Variants in PRRT1B observed in about 807,000 individuals in gnomAD.
PRRT1B encodes proline rich transmembrane protein 1B, also known as dispanin subfamily D member 2.
intron 1 of PRRT1B, among the ~76,000 whole-genome samples, chr9:131,553,810 C>A (rs959722518): frequency 6.6e-6 from 1 of 152,232 alleles, no homozygotes; most frequent in Non-Finnish European, 1.5e-5. Context: ...CTTCCTTGTA[C>A]CCTTGCCTGA....
chr9:131,548,533 C>T lies in PRRT1B; in HGVS notation c.25+2893C>T, dbSNP rs563462090. The stretch of plus-strand genomic sequence containing the variant: ...ATAATTCTTGTCGTAAAATGGGCAA[C>T]CGGTCTGAGGTGCCTGACATCCAGG... On this transcript the variant is annotated intron_variant, in intron 1 of 3. Transcript: ENST00000636672. Among the ~76,000 whole-genome samples, 3 of 152,274 alleles carry T rather than the reference C, an allele frequency of 2.0e-5. No homozygotes were observed. In the South Asian group the frequency reaches 6.2e-4, roughly 32 times the overall value.
chr9:131,546,384 C>A (rs1277543570), intron 1 of PRRT1B, among the ~76,000 whole-genome samples: 2 of 152,166 alleles, frequency 1.3e-5, no homozygotes, highest in Non-Finnish European at 2.9e-5. Context: ...ACGTCGCCCA[C>A]CCCCAGGCGT....
chr9:131,551,372 C>G lies in PRRT1B; in HGVS notation c.26-3185C>G, dbSNP rs558229365. Among the ~76,000 whole-genome samples, 1 of 152,278 alleles carries G rather than the reference C, an allele frequency of 6.6e-6. No individual in the cohort carries two copies. Among genetic ancestry groups the G allele is most frequent in the East Asian group, 1.9e-4 (1 of 5,184 alleles). On this transcript the variant is annotated intron_variant, in intron 1 of 3. Coordinates refer to ENST00000636672, the Ensembl canonical transcript of PRRT1B. This position sits in a 1 kb window ranked among gnomAD's most constrained non-coding sequence, Gnocchi z 4.4. The stretch of plus-strand genomic sequence containing the variant: ...AAAATCTTCCTTCAGCTTAATCTCT[C>G]CCACTCTAGGTTCCCACGCCGCCCC...
intron 1 of PRRT1B, among the ~76,000 whole-genome samples, chr9:131,554,087 GCTCCTGGGCAC>G (rs1951029591): frequency 1.3e-5 from 2 of 152,156 alleles, no homozygotes; most frequent in Non-Finnish European, 2.9e-5. Context: ...CAGTTTGGCA[GCTCCTGGGCAC>G]CTCACCCCTC....
At chr9:131,549,436 G>C (rs1428129231) in intron 1 of PRRT1B, among the ~76,000 whole-genome samples, 1 of 152,230 alleles carries the variant, frequency 6.6e-6, no homozygotes, top group Non-Finnish European at 1.5e-5. Flanking sequence ...CCATCTGTGC[G>C]GGACCCCACT....
At chr9:131,558,822 C>T (rs533418931), downstream of PRRT1B, among the ~76,000 whole-genome samples, 51 of 152,176 alleles carry the variant, frequency 3.4e-4, no homozygotes, top group Non-Finnish European at 6.0e-4. Context: ...CACATCCGTG[C>T]GGAGCTTCAC....
chr9:131,554,909 C>A (rs1588551471), exon 2 of PRRT1B: 1 of 385,250 alleles, frequency 2.6e-6, no homozygotes, highest in East Asian at 3.7e-5. Flanking sequence ...CGCAGGTGCC[C>A]GTGGTCCTGC....
At chr9:131,557,224 A>C (rs1306507276) in intron 3 of PRRT1B, among the ~76,000 whole-genome samples, 1 of 152,108 alleles carries the variant, frequency 6.6e-6, no homozygotes, top group African/African-American at 2.4e-5. Context: ...CAAAGATGCC[A>C]ATGTGATGAC....
At chr9:131,559,696 C>T (rs1274340525), downstream of PRRT1B, among the ~76,000 whole-genome samples, 2 of 152,144 alleles carry the variant, frequency 1.3e-5, no homozygotes, top group Non-Finnish European at 2.9e-5. Context: ...TAAGCAGGGC[C>T]TGAGGTTCTG....
downstream of PRRT1B, among the ~76,000 whole-genome samples, chr9:131,559,170 G>A (rs954951060): frequency 4.6e-5 from 7 of 152,314 alleles, no homozygotes; most frequent in East Asian, 5.8e-4. Flanking sequence ...GAGGCCAGGC[G>A]AGGTGGCTCA....
chr9:131,551,258 A>G lies in PRRT1B; in HGVS notation c.26-3299A>G, dbSNP rs1346905956. ...CGCCCGACCTGCGTTTAGTTTTTCAATTCATACAAAACCGCATCCAGGCCA... is the reference window on the plus strand; with the variant it reads ...CGCCCGACCTGCGTTTAGTTTTTCAGTTCATACAAAACCGCATCCAGGCCA... On this transcript the variant is annotated intron_variant, in intron 1 of 3. Coordinates refer to ENST00000636672, the Ensembl canonical transcript of PRRT1B. The surrounding 1 kb of genome is among the most constrained non-coding windows in gnomAD (Gnocchi z 4.4). Among the ~76,000 whole-genome samples, 5 of 151,788 alleles carry G rather than the reference A, an allele frequency of 3.3e-5. No homozygotes were observed. Among genetic ancestry groups the G allele is most frequent in the African/African-American group, 1.2e-4 (5 of 41,302 alleles).
chr9:131,554,676 C>T lies in PRRT1B; in HGVS notation c.145C>T (p.Arg49Cys), dbSNP rs556834846. The stretch of plus-strand genomic sequence containing the variant: ...GCAGCCCGCGCTCCCGCAGCTCCCG[C>T]GCCGCCCGCGGACCCTGGACGAGGA... The change falls in exon 2 of 4, where the codon CGC (arginine) becomes TGC (cysteine). Residue 49 changes from arginine (R) to cysteine (C), a missense_variant. Arg to Cys is a radical substitution (Grantham distance 180). Coordinates refer to ENST00000636672, the Ensembl canonical transcript of PRRT1B. 3,136 of 380,920 alleles carry T rather than the reference C, an allele frequency of 8.2e-3. 26 individuals are homozygous for T. Among genetic ancestry groups the T allele is most frequent in the South Asian group, 0.02 (155 of 7,742 alleles). 23.6% of individuals were successfully genotyped at this position (380,920 alleles called of 1,614,324 possible).
rs536441419 is a variant in PRRT1B, at chr9:131,554,854, C to T, written c.323C>T (p.Ala108Val). 3.9e-3 allele frequency: 1,470 copies of T among 374,720 alleles called. 31 individuals are homozygous for T. The highest frequency in any genetic ancestry group is 4.2e-3 in the East Asian group (109 of 25,854). The allele number at this position is 374,720 out of a possible 1,614,324, so 23.2% of individuals were successfully genotyped here. Reference sequence around the variant, plus strand: ...TTCGTTGGGGAGCCCCCGCCCTACGCGCCGCCGGACCCCAAGGCCGCGCCG... The same window carrying T: ...TTCGTTGGGGAGCCCCCGCCCTACGTGCCGCCGGACCCCAAGGCCGCGCCG... Residue 108 changes from alanine (A) to valine (V), a missense_variant, in exon 2 of 4, where the codon GCG (alanine) becomes GTG (valine). Coordinates refer to ENST00000636672, the Ensembl canonical transcript of PRRT1B.
At chr9:131,552,841 T>G in intron 1 of PRRT1B, among the ~76,000 whole-genome samples, 2 of 66,952 alleles carry the variant, frequency 3.0e-5, no homozygotes, top group East Asian at 8.9e-4. Flanking sequence ...CCTGGTTAAT[T>G]TTTTTTTTTT....
intron 1 of PRRT1B, among the ~76,000 whole-genome samples, chr9:131,552,321 T>C (rs59546598): frequency 0.026 from 3,982 of 152,254 alleles, 169 homozygotes; most frequent in African/African-American, 0.09. Flanking sequence ...TCATGGAGCA[T>C]GGTTATAATG....
chr9:131,553,844 G>A (rs575628782), intron 1 of PRRT1B, among the ~76,000 whole-genome samples: 9 of 152,278 alleles, frequency 5.9e-5, no homozygotes, highest in Admixed American at 3.9e-4. Flanking sequence ...TCAGCTGGTC[G>A]GGATGCTCTC....
rs79344709 is a variant in PRRT1B, at chr9:131,557,772, A to G, written c.643-281A>G. ...TTAACTTCTCTGAGCCTTTGTTTCC[A>G]TATCTGCAAAGTGGGGTCAGCCTCA... On this transcript the variant is annotated intron_variant, in intron 3 of 3. Transcript: ENST00000636672. Among the ~76,000 whole-genome samples, 7 of 152,334 alleles carry G rather than the reference A, an allele frequency of 4.6e-5. No homozygotes were observed. The East Asian group carries it at 1.2e-3, about 25-fold the overall frequency.
At chr9:131,554,590 C>T (rs1165474367) in exon 2 of PRRT1B, 1 of 396,022 alleles carries the variant, frequency 2.5e-6, no homozygotes, top group African/African-American at 2.1e-5. Context: ...AGCCCCGCCA[C>T]CCCCGAGGAC....
rs1588549672 is a variant in PRRT1B, at chr9:131,551,064, T to C, written c.26-3493T>C. ...TTCACGCCATTCTTCTGCCTCAGCC[T>C]CCCGAGTAGCTGGGACTACAGGCAC... is the stretch of plus-strand genomic sequence containing the variant. On this transcript the variant is annotated intron_variant, in intron 1 of 3. Coordinates refer to ENST00000636672, the Ensembl canonical transcript of PRRT1B. This position sits in a 1 kb window ranked among gnomAD's most constrained non-coding sequence, Gnocchi z 4.4. Among the ~76,000 whole-genome samples, 1 of 144,674 alleles carries C rather than the reference T, an allele frequency of 6.9e-6. No homozygotes were observed. The highest frequency in any genetic ancestry group is 7.2e-5 in the Admixed American group (1 of 13,944). The allele number at this position is 144,674 out of a possible 152,430, so 94.9% of individuals were successfully genotyped here. A position where few individuals can be genotyped will look rare whatever the true frequency, so the allele number is the denominator to read the frequency against.
Sources: gnomAD v4.1 joint callset for allele counts (sites outside exome capture counted in the v4.1 genomes callset) on GRCh38, gnomAD v4.1.1 for gene constraint, Gnocchi (gnomAD v3.1) non-coding constraint, MANE v1.5 for transcripts, NCBI Gene and HGNC (gene_info 2026-07-23, HGNC 2026-07-21) for gene names.